The following ITGAE variants were observed in gnomAD, a reference collection of about 807,000 sequenced individuals.
ITGAE encodes integrin subunit alpha E, also known as integrin alpha-E.
Under a neutral mutation model 136.5 loss-of-function variants are expected in ITGAE, and 99 were observed. The observed-to-expected ratio is 0.73, with a 90% confidence interval of 0.62 to 0.86. The LOEUF is 0.86. Ranked by LOEUF, ITGAE falls within the 40% of genes least tolerant of loss-of-function variation. ITGAE has a pLI of 0.00. For missense variants in ITGAE, 1,447 were observed against 1,515.3 expected, an observed-to-expected ratio of 0.95 and a Z score of 0.75; for synonymous variants, 613 against 591.8, an observed-to-expected ratio of 1.04 and a Z score of -0.52.
chr17:3,768,765 G>A (rs2052355216), intron 2 of ITGAE, among the ~76,000 whole-genome samples: 2 of 152,132 alleles, frequency 1.3e-5, no homozygotes, highest in South Asian at 2.1e-4. Flanking sequence ...ATCTGATAGT[G>A]CCTATTATCT....
rs146381194 is a variant in ITGAE at position 3,750,374 on chromosome 17, G to C, written c.2002C>G (p.Leu668Val). 2 of 1,614,140 alleles carry C rather than the reference G, an allele frequency of 1.2e-6. No homozygotes were observed. Among genetic ancestry groups the C allele is most frequent in the East Asian group, 2.2e-5 (1 of 44,882 alleles). ...DGLADITVGTLGQAVVFRSRP... is the reference protein window; with the variant it reads ...DGLADITVGTVGQAVVFRSRP... The stretch of plus-strand genomic sequence containing the variant: ...TACCGGAACACAACCGCCTGGCCCA[G>C]AGTGCCCACGGTGATGTCGGCAAGG... The change falls in exon 16 of 31, where the codon CTG becomes GTG. Residue 668 changes from leucine to valine, a missense_variant. Around this residue, in one of 3 missense-constraint regions of ITGAE, gnomAD observed 1,031 missense variants for 1,011.4 expected, o/e 1.02. Coordinates refer to ENST00000263087, the MANE Select transcript of ITGAE (RefSeq NM_002208.5).
At chr17:3,759,062 T>A (rs2052097633) in intron 8 of ITGAE, among the ~76,000 whole-genome samples, 1 of 150,894 alleles carries the variant, frequency 6.6e-6, no homozygotes, top group African/African-American at 2.4e-5. Context: ...GAGGCGGAGC[T>A]TGCAGTGAGC....
intron 1 of ITGAE, among the ~76,000 whole-genome samples, chr17:3,793,285 G>A (rs1278713663): frequency 4.6e-5 from 7 of 151,996 alleles, no homozygotes; most frequent in Non-Finnish European, 8.8e-5. Context: ...ATCTCCTGAC[G>A]TCCTGATCCA....
intron 1 of ITGAE, among the ~76,000 whole-genome samples, chr17:3,784,000 C>T (rs971357115): frequency 6.6e-6 from 1 of 152,230 alleles, no homozygotes; most frequent in Non-Finnish European, 1.5e-5. Flanking sequence ...GCGGCTCACG[C>T]CTGTAATCCC....
chr17:3,753,423 G>C lies in ITGAE; in HGVS notation c.1535C>G (p.Ser512Cys). The C allele has an allele frequency of 6.2e-7, 1 of 1,613,764 alleles. No individual in the cohort carries two copies. Reference sequence around the variant, plus strand: ...AGGGCACAGCTCAGAGCCAAAATAGGACCCCATCTACAGCCCGGGAGGAAC... The same window carrying C: ...AGGGCACAGCTCAGAGCCAAAATAGCACCCCATCTACAGCCCGGGAGGAAC... ...LPVLEGEQMGSYFGSELCPVD... is the reference protein window; with the variant it reads ...LPVLEGEQMGCYFGSELCPVD... Residue 512 changes from serine (S) to cysteine (C), a missense_variant, in exon 14 of 31, where the codon TCC (serine) becomes TGC (cysteine). Around this residue, in one of 3 missense-constraint regions of ITGAE, gnomAD observed 1,031 missense variants for 1,011.4 expected, o/e 1.02. Transcript: ENST00000263087.
chr17:3,788,251 A>C (rs1189588560), intron 1 of ITGAE, among the ~76,000 whole-genome samples: 1 of 151,640 alleles, frequency 6.6e-6, no homozygotes, highest in African/African-American at 2.4e-5. Context: ...AGTTCAAAAA[A>C]AATTTTTTTA....
intron 2 of ITGAE, among the ~76,000 whole-genome samples, chr17:3,776,649 C>T (rs927118092): frequency 5.9e-5 from 9 of 152,176 alleles, no homozygotes; most frequent in Non-Finnish European, 1.0e-4. Flanking sequence ...GCCTCGGCCT[C>T]CGGGCCCAAG....
At chr17:3,724,014 C>T in intron 26 of ITGAE, 2 of 1,591,892 alleles carry the variant, frequency 1.3e-6, no homozygotes, top group East Asian at 2.3e-5. Flanking sequence ...ACAGCGGCGG[C>T]CGGGCCGGGA....
chr17:3,716,887 G>A (rs945843968), intron 29 of ITGAE, 89 bp from the exon 30 acceptor site: 11 of 741,642 alleles, frequency 1.5e-5, no homozygotes, highest in Non-Finnish European at 2.3e-5. Context: ...AAAATACGAG[G>A]ACTTGGCAAC....
At chr17:3,732,324 A>G in intron 22 of ITGAE, 44 bp downstream of exon 22, 1 of 1,424,092 alleles carries the variant, frequency 7.0e-7, no homozygotes, top group Non-Finnish European at 9.9e-7. Flanking sequence ...GAAGACGCCA[A>G]CTGCAGGGTG....
intron 29 of ITGAE, among the ~76,000 whole-genome samples, chr17:3,719,649 T>C (rs1186095684): frequency 2.0e-5 from 3 of 152,232 alleles, no homozygotes; most frequent in African/African-American, 7.2e-5. Context: ...TTTAATACTA[T>C]AACTAAACAC....
Position 3,731,495 on chromosome 17 carries a change from C to G in ITGAE, c.2755-312G>C, listed in dbSNP as rs370164659. The stretch of plus-strand genomic sequence containing the variant: ...TAGCTGGGATTACAGGCACGCACCA[C>G]CACGCCCAGCTAATTTTTGTATTCT... On this transcript the variant is annotated intron_variant, in intron 22 of 30. Coordinates refer to ENST00000263087, the MANE Select transcript of ITGAE (RefSeq NM_002208.5). 7.3e-4 allele frequency among the ~76,000 whole-genome samples: 111 copies of G among 151,920 alleles called. 3 individuals are homozygous for G. The South Asian group carries it at 0.022, about 31-fold the overall frequency.
At chr17:3,730,069 T>A (rs1429296677) in intron 23 of ITGAE, among the ~76,000 whole-genome samples, 1 of 152,130 alleles carries the variant, frequency 6.6e-6, no homozygotes, top group Non-Finnish European at 1.5e-5. Flanking sequence ...GGCCCCAGTG[T>A]GTGCTGTTCC....
At chr17:3,719,849 T>C (rs2051014660) in intron 29 of ITGAE, among the ~76,000 whole-genome samples, 1 of 152,014 alleles carries the variant, frequency 6.6e-6, no homozygotes, top group African/African-American at 2.4e-5. Context: ...TGCCTCAGCC[T>C]CCCAAGTAGG....
rs1333775549 is a variant in ITGAE, at chr17:3,716,729, C to T, written c.3403G>A (p.Gly1135Arg). 6.2e-7 allele frequency: 1 copy of T among 1,611,642 alleles called. No individual in the cohort carries two copies. The highest frequency in any genetic ancestry group is 8.5e-7 in the Non-Finnish European group (1 of 1,177,734). The change falls in exon 30 of 31, where the codon GGA (glycine) becomes AGA (arginine). Residue 1135 changes from glycine to arginine, a missense_variant. This residue lies in a region of ITGAE where 1,031 missense variants were observed against 1,011.4 expected (regional missense o/e 1.02). Transcript: ENST00000263087. ...AGAATCACGATCAACACCAGAAGTC[C>T]ACCAACGCTGCCTTTAATGATGATA... is the stretch of plus-strand genomic sequence containing the variant. ...LPIIIKGSVG[G>R]LLVLIVILVI...
At chr17:3,748,158 C>A in intron 16 of ITGAE, 106 bp from the exon 17 acceptor site, 1 of 1,153,370 alleles carries the variant, frequency 8.7e-7, no homozygotes, top group Non-Finnish European at 1.2e-6. Context: ...AACATGCCCA[C>A]ATCCAGGTGA....
At chr17:3,765,744 C>G (rs912947827) in intron 2 of ITGAE, among the ~76,000 whole-genome samples, 1 of 152,152 alleles carries the variant, frequency 6.6e-6, no homozygotes, top group Non-Finnish European at 1.5e-5. Flanking sequence ...TTTCTGCCTA[C>G]TCTCTCCTCA....
At chr17:3,760,967 AT>A (rs1241924101) in intron 6 of ITGAE, 45 bp downstream of exon 6, 1 of 1,566,122 alleles carries the variant, frequency 6.4e-7, no homozygotes, top group South Asian at 1.2e-5. Flanking sequence ...CAGCCTAGGA[AT>A]TGGCTCTGAT....
Position 3,716,696 on chromosome 17 carries a change from G to C in ITGAE, c.3436C>G (p.Leu1146Val). The change falls in exon 30 of 31, where the codon CTG (leucine) becomes GTG (valine). Residue 1146 changes from leucine (L) to valine (V), a missense_variant. Physicochemically the swap from Leu to Val is conservative, Grantham distance 32. Around this residue, in one of 3 missense-constraint regions of ITGAE, gnomAD observed 1,031 missense variants for 1,011.4 expected, o/e 1.02. Coordinates refer to ENST00000263087, the MANE Select transcript of ITGAE (RefSeq NM_002208.5). ...CCATGAGTAGAACTGACCTTGAACA[G>C]GATGACCAGAATCACGATCAACACC... ...LLVLIVILVILFKCGFFKRKY... is the reference protein window; with the variant it reads ...LLVLIVILVIVFKCGFFKRKY... 6.3e-7 allele frequency: 1 copy of C among 1,587,344 alleles called. No homozygotes were observed. Among genetic ancestry groups the C allele is most frequent in the Non-Finnish European group, 8.7e-7 (1 of 1,155,732 alleles).
Sources: allele counts gnomAD v4.1 joint callset (sites outside exome capture counted in the v4.1 genomes callset), GRCh38; gene constraint gnomAD v4.1.1; regional missense constraint gnomAD v4.1.1; transcripts MANE v1.5; gene names NCBI Gene and HGNC (gene_info 2026-07-23, HGNC 2026-07-21).